NAPRT: variants seen among roughly 807,000 people sequenced by gnomAD.
NAPRT encodes FHA-HIT-interacting protein.
A neutral mutation model predicts 60.7 loss-of-function variants in NAPRT; 66 were observed. That is an observed-to-expected ratio of 1.09 (90% CI 0.89 to 1.33). The LOEUF is 1.33. Ranked by LOEUF, NAPRT falls within the 40% of genes most tolerant of loss-of-function variation. NAPRT has a pLI of 0.00. For synonymous variants in NAPRT, 405 were observed against 335.7 expected (o/e 1.21, Z -2.26); for missense variants, 818 against 731.5 (o/e 1.12, Z -1.36).
chr8:143,575,108 T>C lies in NAPRT; in HGVS notation c.1447-15A>G. 6.5e-7 allele frequency: 1 copy of C among 1,535,382 alleles called. No homozygotes were observed. Among genetic ancestry groups the C allele is most frequent in the Non-Finnish European group, 8.8e-7 (1 of 1,137,536 alleles). ...GGCTCACACAGCTGCAGGGAGGAGG[T>C]AAGGAAAGAGAAGCTTGGGGCTAGC... On this transcript the variant is annotated splice_polypyrimidine_tract_variant and intron_variant, in intron 11 of 12. Transcript: ENST00000449291.
At chr8:143,574,688 A>G (rs371199778), downstream of NAPRT, 250 of 880,176 alleles carry the variant, frequency 2.8e-4, no homozygotes, top group East Asian at 4.8e-3. Context: ...TCTTCCTGCT[A>G]CCTCGAGCTC....
intron 7 of NAPRT, 29 bp from the exon 8 acceptor site, chr8:143,576,191 G>A: frequency 1.3e-6 from 2 of 1,556,824 alleles, no homozygotes; most frequent in Non-Finnish European, 1.7e-6. Flanking sequence ...AAGGGTGGGG[G>A]CCACCCCTCG....
chr8:143,575,001 G>T lies in NAPRT; in HGVS notation c.1539C>A (p.Ser513Arg). ...RLSPEHRRLRSPAQYQVVLSE... is the reference protein window; with the variant it reads ...RLSPEHRRLRRPAQYQVVLSE... Reference sequence around the variant, plus strand: ...TCCCCCCAACCTGGTACTGTGCAGGGCTCCGCAGCCGCCTGTGCTCAGGGC... The same window carrying T: ...TCCCCCCAACCTGGTACTGTGCAGGTCTCCGCAGCCGCCTGTGCTCAGGGC... Residue 513 changes from serine (S) to arginine (R), a missense_variant, in exon 12 of 13, where the codon AGC becomes AGA. Coordinates refer to ENST00000449291, the MANE Select transcript of NAPRT (RefSeq NM_145201.6). The T allele has an allele frequency of 6.5e-7, 1 of 1,529,254 alleles. No homozygotes were observed. The highest frequency in any genetic ancestry group is 1.4e-5 in the African/African-American group (1 of 72,850). The allele number at this position is 1,529,254 out of a possible 1,614,324, so 94.7% of individuals were successfully genotyped here.
downstream of NAPRT, chr8:143,574,753 T>C: frequency 6.6e-7 from 1 of 1,514,564 alleles, no homozygotes; most frequent in Non-Finnish European, 9.0e-7. Context: ...GTGGGCTGGG[T>C]GAACAAACGA....
Position 143,574,849 on chromosome 8 carries a change from G to A in NAPRT, c.1606C>T (p.Gln536Ter). ...CCCCGCTCCGAGTCTCAGGGGGACTGCCCCGCACACAGACTGTTCACCAGG... is the reference window on the plus strand; with the variant it reads ...CCCCGCTCCGAGTCTCAGGGGGACTACCCCGCACACAGACTGTTCACCAGG... ...QALVNSLCAG[Q>*]SP The change falls in exon 13 of 13, where the codon CAG (glutamine) becomes TAG (stop). Residue 536 changes from glutamine to a stop codon, truncating the protein, a stop_gained. Transcript: ENST00000449291. LOFTEE classifies it high-confidence loss of function. 1 of 1,550,650 alleles carries A rather than the reference G, an allele frequency of 6.4e-7. No homozygotes were observed. Among genetic ancestry groups the A allele is most frequent in the Non-Finnish European group, 8.7e-7 (1 of 1,146,986 alleles).
Position 143,577,937 on chromosome 8 carries a change from T to G in NAPRT, c.233A>C (p.Gln78Pro). The change falls in exon 2 of 13, where the codon CAG becomes CCG. Residue 78 changes from glutamine (Q) to proline (P), a missense_variant. Physicochemically the swap from Gln to Pro is moderately conservative, Grantham distance 76. Transcript: ENST00000449291. ...RAFRLRDADV[Q>P]FLASVLPPDT... Reference sequence around the variant, plus strand: ...TGGGGGCAGCACCGAGGCCAGGAACTGCACGTCTGGAAACGAGGTAACTGC... The same window carrying G: ...TGGGGGCAGCACCGAGGCCAGGAACGGCACGTCTGGAAACGAGGTAACTGC... 6.2e-7 allele frequency: 1 copy of G among 1,608,884 alleles called. No individual in the cohort carries two copies. Among genetic ancestry groups the G allele is most frequent in the Non-Finnish European group, 8.5e-7 (1 of 1,177,432 alleles).
rs17853051 is a variant in NAPRT at position 143,576,735 on chromosome 8, C to A, written c.792G>T (p.Pro264=). The change falls in exon 6 of 13, where the codon CCG becomes CCT. Residue 264 remains proline, a synonymous_variant. Transcript: ENST00000449291. ...CAHLGLGVQE[P]HPGERAAFVA... ...CAAAGGCTGCCCGCTCGCCTGGATG[C>A]GGCTCCTGCACCCCCAGCCCCAGGT... The A allele has an allele frequency of 1.2e-5, 19 of 1,607,170 alleles. No homozygotes were observed. Among genetic ancestry groups the A allele is most frequent in the South Asian group, 2.2e-5 (2 of 90,540 alleles).
At chr8:143,572,946 G>A, downstream of NAPRT, 1 of 509,172 alleles carries the variant, frequency 2.0e-6, no homozygotes, top group Non-Finnish European at 3.4e-6. Flanking sequence ...CTGTGGTGTG[G>A]CTCTACCCAC....
At chr8:143,575,887 G>T (rs1299866293) in intron 8 of NAPRT, among the ~76,000 whole-genome samples, 185 bp from the exon 9 acceptor site, 7 of 140,102 alleles carry the variant, frequency 5.0e-5, no homozygotes, top group African/African-American at 1.9e-4. Flanking sequence ...GGGTGAAGGG[G>T]GTGGCAGTGC....
At chr8:143,575,135 C>T in intron 11 of NAPRT, 42 bp from the exon 12 acceptor site, 3 of 1,568,070 alleles carry the variant, frequency 1.9e-6, no homozygotes, top group Non-Finnish European at 1.7e-6. Flanking sequence ...GGGGCTAGCT[C>T]CCAGTCAGGG....
At position 143,575,646 on chromosome 8, in the gene NAPRT, C is replaced by T; in HGVS notation, c.1164G>A (p.Gln388=). The change falls in exon 9 of 13, where the codon CAG becomes CAA. Residue 388 remains glutamine (Q), a synonymous_variant. Transcript: ENST00000449291. ...CCTTATAGACGCCACCCAGGGAAGG[C>T]TGTTGGGGGCAGGTGACCACACTGG... The part of the protein sequence containing the change: ...IGTSVVTCPQ[Q]PSLGGVYKLV... The T allele has an allele frequency of 6.3e-7, 1 of 1,595,694 alleles. No individual in the cohort carries two copies. The highest frequency in any genetic ancestry group is 8.5e-7 in the Non-Finnish European group (1 of 1,171,972).
intron 12 of NAPRT, 29 bp from the exon 13 acceptor site, chr8:143,574,929 G>T: frequency 6.4e-7 from 1 of 1,550,388 alleles, no homozygotes; most frequent in Non-Finnish European, 8.7e-7. Flanking sequence ...AGGAGCGGTG[G>T]GCAGGGTGAG....
At chr8:143,577,764 C>CTGACTG (rs1824586798) in intron 2 of NAPRT, 25 bp from the exon 3 acceptor site, 1 of 1,563,196 alleles carries the variant, frequency 6.4e-7, no homozygotes, top group East Asian at 2.4e-5. Context: ...GTCAGCTCCG[C>CTGACTG]GCTCGGCCCA....
In NAPRT at chr8:143,577,189, G is replaced by A. The variant is rs746699205; in HGVS notation, c.569-12C>T. On this transcript the variant is annotated splice_polypyrimidine_tract_variant and intron_variant, in intron 4 of 12. Transcript: ENST00000449291. ...GCTGCTGTCGAAGCCTGGGGAGGAA[G>A]GCGGTGGGATTGGGGGACCTCGGGC... is the stretch of plus-strand genomic sequence containing the variant. 9 of 1,609,944 alleles carry A rather than the reference G, an allele frequency of 5.6e-6. No individual in the cohort carries two copies. Among genetic ancestry groups the A allele is most frequent in the Middle Eastern group, 1.6e-4 (1 of 6,078 alleles).
rs756807676 is a variant in NAPRT at position 143,575,046 on chromosome 8, C to T, written c.1494G>A (p.Gln498=). The change falls in exon 12 of 13, where the codon CAG becomes CAA. Residue 498 remains glutamine (Q), a synonymous_variant. Coordinates refer to ENST00000449291, the MANE Select transcript of NAPRT (RefSeq NM_145201.6). ...CAGGGCTGAGTCGGCTCAGGGACAG[C>T]TGGGCCAAGGCTCTAGACTCTGCCA... ...PSLAESRALA[Q]LSLSRLSPEH... is the part of the protein sequence containing the mutation. The T allele has an allele frequency of 8.0e-6, 12 of 1,507,460 alleles. No individual in the cohort carries two copies. The highest frequency in any genetic ancestry group is 2.1e-5 in the Admixed American group (1 of 47,326). 93.4% of individuals were successfully genotyped at this position (1,507,460 alleles called of 1,614,324 possible). A position where few individuals can be genotyped will look rare whatever the true frequency, so the allele number is the denominator to read the frequency against.
In NAPRT at chr8:143,578,224, G is replaced by T; in HGVS notation, c.95C>A (p.Ala32Glu). 2 of 1,503,470 alleles carry T rather than the reference G, an allele frequency of 1.3e-6. No homozygotes were observed. Among genetic ancestry groups the T allele is most frequent in the African/African-American group, 2.9e-5 (2 of 68,684 alleles). 93.1% of individuals were successfully genotyped at this position (1,503,470 alleles called of 1,614,324 possible). Residue 32 changes from alanine to glutamate, a missense_variant, in exon 1 of 13, where the codon GCG (alanine) becomes GAG (glutamate). Coordinates refer to ENST00000449291, the MANE Select transcript of NAPRT (RefSeq NM_145201.6). Reference sequence around the variant, plus strand: ...CTCGGCGGCGTCCCGCGCCCGGCCCGCGCGCCAATAGCCCAACGCCATGGT... The same window carrying T: ...CTCGGCGGCGTCCCGCGCCCGGCCCTCGCGCCAATAGCCCAACGCCATGGT... ...QATMALGYWRAGRARDAAEFE... is the reference protein window; with the variant it reads ...QATMALGYWREGRARDAAEFE...
Position 143,576,746 on chromosome 8 carries a change from C to A in NAPRT, c.781G>T (p.Val261Leu), listed in dbSNP as rs199672137. 6.8e-6 allele frequency: 11 copies of A among 1,607,768 alleles called. No individual in the cohort carries two copies. Among genetic ancestry groups the A allele is most frequent in the Middle Eastern group, 2.2e-4 (1 of 4,582 alleles). ...EQVCAHLGLG[V>L]QEPHPGERAA... ...CGCTCGCCTGGATGCGGCTCCTGCA[C>A]CCCCAGCCCCAGGTGGGCACACACC... The change falls in exon 6 of 13, where the codon GTG becomes TTG. Residue 261 changes from valine (V) to leucine (L), a missense_variant. By Grantham distance (32) the Val-to-Leu change is conservative. Coordinates refer to ENST00000449291, the MANE Select transcript of NAPRT (RefSeq NM_145201.6).
downstream of NAPRT, among the ~76,000 whole-genome samples, chr8:143,574,087 G>A (rs945861952): frequency 3.3e-5 from 5 of 152,352 alleles, no homozygotes; most frequent in Non-Finnish European, 7.3e-5. Flanking sequence ...TGAAGCTCAC[G>A]TTGCCCAAAC....
chr8:143,576,091 C>G lies in NAPRT; in HGVS notation c.1094G>C (p.Arg365Pro), dbSNP rs761418207. The change falls in exon 8 of 13, where the codon CGA becomes CCA. Residue 365 changes from arginine (R) to proline (P), a missense_variant. Physicochemically the swap from Arg to Pro is moderately radical, Grantham distance 103. Transcript: ENST00000449291. ...SNNIDEEALA[R>P]LAQEGSEVNV... ...CATCCACCCCACCTCCTGGGCCAGT[C>G]GGGCCAGCGCCTCCTCGTCAATGTT... The G allele has an allele frequency of 1.3e-6, 2 of 1,597,310 alleles. No individual in the cohort carries two copies. Among genetic ancestry groups the G allele is most frequent in the South Asian group, 1.1e-5 (1 of 89,870 alleles).
Sources: allele counts gnomAD v4.1 joint callset (sites outside exome capture counted in the v4.1 genomes callset), GRCh38; gene constraint gnomAD v4.1.1; transcripts MANE v1.5; gene names NCBI Gene and HGNC (gene_info 2026-07-23, HGNC 2026-07-21).